Variants in STOX2 observed in about 807,000 individuals in gnomAD.
The protein encoded by STOX2 is storkhead box 2.
STOX2 carries 28 observed loss-of-function variants against 60.9 expected under a neutral mutation model. The ratio of observed to expected loss-of-function variants is 0.46; its 90% CI spans 0.34 to 0.63. The LOEUF (loss-of-function observed/expected upper bound fraction) is 0.63, where lower values mean the gene tolerates loss of function less well. STOX2 is among the 30% of genes least tolerant of loss of function. The pLI is 0.01. For missense variants in STOX2, 1,024 were observed against 1,187.7 expected (o/e 0.86, Z 2.03); for synonymous variants, 472 against 463.9 (o/e 1.02, Z -0.22).
chr4:183,823,494 T>TA, intron 1 of STOX2, among the ~76,000 whole-genome samples: 1 of 152,342 alleles, frequency 6.6e-6, no homozygotes, highest in East Asian at 1.9e-4. Flanking sequence ...GGCAAACTGT[T>TA]ACACAATAAA....
At chr4:183,863,635 G>GT (rs1740500922) in intron 1 of STOX2, among the ~76,000 whole-genome samples, 1 of 152,116 alleles carries the variant, frequency 6.6e-6, no homozygotes, top group East Asian at 1.9e-4. Context: ...CGGGACTCTA[G>GT]GATCTCAAAG....
At chr4:183,960,437 A>T (rs532564210) in intron 1 of STOX2, 1 of 152,204 alleles carries the variant, frequency 6.6e-6, no homozygotes, top group Non-Finnish European at 1.5e-5. Context: ...TTATATGTGC[A>T]TGTGTATATT....
rs374349624 is a variant in STOX2 at position 184,010,021 on chromosome 4, A to G, written c.1183A>G (p.Arg395Gly). 5 of 1,613,796 alleles carry G rather than the reference A, an allele frequency of 3.1e-6. No homozygotes were observed. The African/African-American group carries it at 6.7e-5, about 22-fold the overall frequency. ...DGSHLDIPAEREYDFCDPLTR... is the reference protein window; with the variant it reads ...DGSHLDIPAEGEYDFCDPLTR... ...TTCACATCTGGATATCCCAGCTGAA[A>G]GAGAGTATGACTTTTGTGATCCTCT... The change falls in exon 3 of 4, where the codon AGA (arginine) becomes GGA (glycine). Residue 395 changes from arginine to glycine, a missense_variant. Physicochemically the swap from Arg to Gly is moderately radical, Grantham distance 125. Around this residue, in one of 3 missense-constraint regions of STOX2, gnomAD observed 922 missense variants for 1,058.3 expected, o/e 0.87. Coordinates refer to ENST00000308497, the MANE Select transcript of STOX2 (RefSeq NM_020225.3). This position sits in a 1 kb window ranked among gnomAD's most constrained non-coding sequence, Gnocchi z 4.5.
chr4:183,835,722 A>G (rs1281530164), intron 1 of STOX2, among the ~76,000 whole-genome samples: 2 of 152,148 alleles, frequency 1.3e-5, no homozygotes, highest in Non-Finnish European at 2.9e-5. Flanking sequence ...AGGGATGCAG[A>G]GCTAGTCACA....
At position 184,019,012 on chromosome 4, in the gene STOX2, G is replaced by A. The variant is rs1734478980; in HGVS notation, c.*1728G>A. 6.6e-6 allele frequency: 1 copy of A among 152,192 alleles called. No homozygotes were observed. Among genetic ancestry groups the A allele is most frequent in the Admixed American group, 6.5e-5 (1 of 15,276 alleles). 9.4% of individuals were successfully genotyped at this position (152,192 alleles called of 1,614,324 possible). ...TTGTGAGACGCATCTGTTTTTGTAT[G>A]AGGTTTAATCACTAGCAATCTGTTT... On this transcript the variant is annotated 3_prime_UTR_variant, in exon 4 of 4. Transcript: ENST00000308497.
At chr4:183,948,328 T>G (rs542157299) in intron 1 of STOX2, among the ~76,000 whole-genome samples, 1 of 150,738 alleles carries the variant, frequency 6.6e-6, no homozygotes, top group South Asian at 2.1e-4. Context: ...AGAGAATCAA[T>G]TTTTAGGTTG....
intron 1 of STOX2, among the ~76,000 whole-genome samples, chr4:183,838,082 G>T (rs549224324): frequency 6.6e-6 from 1 of 150,804 alleles, no homozygotes; most frequent in South Asian, 2.1e-4. Context: ...TAATTTTTAC[G>T]GTAAAAATAT....
rs369243476 is a variant in STOX2 at position 184,009,180 on chromosome 4, A to T, written c.342A>T (p.Glu114Asp). 44 of 1,535,262 alleles carry T rather than the reference A, an allele frequency of 2.9e-5. 1 individual carries two copies. The highest frequency in any genetic ancestry group is 3.8e-5 in the Non-Finnish European group (44 of 1,146,458). Residue 114 changes from glutamate to aspartate, a missense_variant, in exon 3 of 4, where the codon GAA becomes GAT. Around this residue, in one of 3 missense-constraint regions of STOX2, gnomAD observed 922 missense variants for 1,058.3 expected, o/e 0.87. Coordinates refer to ENST00000308497, the MANE Select transcript of STOX2 (RefSeq NM_020225.3). The surrounding 1 kb of genome is among the most constrained non-coding windows in gnomAD (Gnocchi z 4.0). ...CFPGVPTPSQ[E>D]ILRHTLNTLV... ...CAGGTGTTCCAACGCCAAGCCAAGAAATTCTGCGGCACACGCTGAACACGC... is the reference window on the plus strand; with the variant it reads ...CAGGTGTTCCAACGCCAAGCCAAGATATTCTGCGGCACACGCTGAACACGC...
At chr4:183,822,051 C>A (rs1221393660) in intron 1 of STOX2, among the ~76,000 whole-genome samples, 1 of 152,236 alleles carries the variant, frequency 6.6e-6, no homozygotes, top group African/African-American at 2.4e-5. Context: ...GCAGGGTGCT[C>A]TGCAAACTTC....
upstream of STOX2, among the ~76,000 whole-genome samples, chr4:183,903,524 TGTG>T (rs1741509595): frequency 1.3e-5 from 2 of 152,212 alleles, no homozygotes; most frequent in Non-Finnish European, 2.9e-5. Context: ...CAGGGTCATG[TGTG>T]GTGTTCTGTT....
At chr4:183,826,928 T>A (rs1292500825) in intron 1 of STOX2, among the ~76,000 whole-genome samples, 2 of 152,172 alleles carry the variant, frequency 1.3e-5, no homozygotes, top group African/African-American at 4.8e-5. Context: ...ATGGTAATAA[T>A]AGTAATAGCA....
At chr4:183,900,361 A>G (rs1741436110), upstream of STOX2, among the ~76,000 whole-genome samples, 1 of 152,206 alleles carries the variant, frequency 6.6e-6, no homozygotes, top group Admixed American at 6.5e-5. Flanking sequence ...TAGCTGCCAT[A>G]GATCATGATT....
intron 1 of STOX2, among the ~76,000 whole-genome samples, chr4:183,932,687 GC>G (rs1376835521): frequency 6.6e-6 from 1 of 152,114 alleles, no homozygotes; most frequent in Non-Finnish European, 1.5e-5. Flanking sequence ...GCTCATGTCA[GC>G]CTTGAATATG....
intron 1 of STOX2, among the ~76,000 whole-genome samples, chr4:183,953,659 G>A (rs1242379859): frequency 6.7e-6 from 1 of 148,822 alleles, no homozygotes; most frequent in African/African-American, 2.5e-5. Context: ...TCCGCCTCCC[G>A]AGTTCAAACA....
intron 1 of STOX2, among the ~76,000 whole-genome samples, chr4:183,956,709 C>G (rs1176832478): frequency 6.6e-6 from 1 of 152,010 alleles, no homozygotes; most frequent in Admixed American, 6.6e-5. Context: ...CCAATAATAT[C>G]GTCTATAACT....
At chr4:184,005,290 T>C (rs1279835728) in intron 2 of STOX2, among the ~76,000 whole-genome samples, 2 of 151,892 alleles carry the variant, frequency 1.3e-5, no homozygotes. Context: ...CGAAACCTTG[T>C]CTCTACTAAA....
intron 1 of STOX2, chr4:183,798,869 C>A: frequency 1.1e-6 from 1 of 898,862 alleles, no homozygotes; most frequent in Non-Finnish European, 1.3e-6. Flanking sequence ...GTAGAATATA[C>A]TTTTGAGTTT....
At chr4:184,012,349 T>A (rs1341464153) in intron 3 of STOX2, among the ~76,000 whole-genome samples, 4 of 152,238 alleles carry the variant, frequency 2.6e-5, no homozygotes, top group African/African-American at 4.8e-5. Flanking sequence ...TACTGAGAGA[T>A]TGACATTTCT....
At chr4:183,965,307 A>G (rs773196364) in intron 1 of STOX2, among the ~76,000 whole-genome samples, 8 of 152,208 alleles carry the variant, frequency 5.3e-5, no homozygotes, top group Non-Finnish European at 1.0e-4. Context: ...TGAGGATTAC[A>G]CCCACATCAC....
Sources: gnomAD v4.1 joint callset for allele counts (sites outside exome capture counted in the v4.1 genomes callset) on GRCh38, gnomAD v4.1.1 for gene constraint, gnomAD v4.1.1 regional missense constraint, Gnocchi (gnomAD v3.1) non-coding constraint, MANE v1.5 for transcripts, NCBI Gene and HGNC (gene_info 2026-07-23, HGNC 2026-07-21) for gene names.